FAM107A: variants seen among roughly 807,000 people sequenced by gnomAD.
FAM107A encodes family with sequence similarity 107 member A, also known as actin-associated protein FAM107A.
Under a neutral mutation model 13.7 loss-of-function variants are expected in FAM107A, and 19 were observed. The ratio of observed to expected loss-of-function variants is 1.38; its 90% CI spans 0.97 to 2.03. The LOEUF is 2.03. FAM107A is among the 30% of genes most tolerant of loss of function. FAM107A has a pLI of 0.00. For missense variants in FAM107A, 203 were observed against 184.4 expected, an observed-to-expected ratio of 1.10 and a Z score of -0.58; for synonymous variants, 82 against 74.5, an observed-to-expected ratio of 1.10 and a Z score of -0.52.
At chr3:58,595,999 A>G (rs2065704306) in intron 1 of FAM107A, among the ~76,000 whole-genome samples, 2 of 152,210 alleles carry the variant, frequency 1.3e-5, no homozygotes, top group Admixed American at 6.5e-5. Flanking sequence ...AATTTTGGTT[A>G]GTGAAAGTTA....
At chr3:58,566,908 C>G in intron 3 of FAM107A, 2 of 607,450 alleles carry the variant, frequency 3.3e-6, no homozygotes, top group Non-Finnish European at 5.8e-6. Flanking sequence ...CTCTGGGCCT[C>G]AGCTTCCCCA....
At chr3:58,625,981 G>A (rs1322678291) in intron 1 of FAM107A, among the ~76,000 whole-genome samples, 1 of 152,184 alleles carries the variant, frequency 6.6e-6, no homozygotes, top group East Asian at 1.9e-4. Flanking sequence ...GCACTTCACA[G>A]GCATCATCTT....
rs141014915 is a variant in FAM107A, at chr3:58,627,366, G to A, written c.-70+50C>T. 3.6e-3 allele frequency: 868 copies of A among 242,520 alleles called. 11 individuals are homozygous for A. The highest frequency in any genetic ancestry group is 0.018 in the African/African-American group (809 of 44,974). 15.0% of individuals were successfully genotyped at this position (242,520 alleles called of 1,614,324 possible). A position where few individuals can be genotyped will look rare whatever the true frequency, so the allele number is the denominator to read the frequency against. On this transcript the variant is annotated intron_variant, in intron 1 of 3. Transcript: ENST00000465970. ...CTCATCACACACCGGTAGCTCAGGC[G>A]CGGCGGGTGACCTCTGCCTGGCCCA...
chr3:58,616,210 T>C (rs565193215), intron 1 of FAM107A, among the ~76,000 whole-genome samples: 18 of 152,220 alleles, frequency 1.2e-4, no homozygotes, highest in Admixed American at 1.2e-3. Context: ...GGGAACGCAC[T>C]GCAGCTGGAC....
exon 1 of FAM107A, chr3:58,586,884 A>G: frequency 6.5e-7 from 1 of 1,533,264 alleles, no homozygotes; most frequent in Non-Finnish European, 8.7e-7. Flanking sequence ...AGCCCGGTAG[A>G]GCCCGGTGGC....
At chr3:58,598,884 T>A (rs189950955) in intron 1 of FAM107A, among the ~76,000 whole-genome samples, 26 of 149,954 alleles carry the variant, frequency 1.7e-4, no homozygotes, top group African/African-American at 5.1e-4. Flanking sequence ...TGCCCCATGG[T>A]TTTTTTTTTA....
chr3:58,599,877 T>C (rs4317123), intron 1 of FAM107A, among the ~76,000 whole-genome samples: 38,575 of 151,672 alleles, frequency 0.25, 5,475 homozygotes, highest in South Asian at 0.52. Flanking sequence ...GGTTTCACCA[T>C]GTTGGTCAGG....
At chr3:58,609,631 C>T (rs2065834021) in intron 1 of FAM107A, among the ~76,000 whole-genome samples, 1 of 152,220 alleles carries the variant, frequency 6.6e-6, no homozygotes, top group African/African-American at 2.4e-5. Context: ...AAGGTTTCCC[C>T]CAACATCTCC....
At chr3:58,584,307 C>T (rs2065580463) in intron 1 of FAM107A, among the ~76,000 whole-genome samples, 1 of 152,100 alleles carries the variant, frequency 6.6e-6, no homozygotes, top group African/African-American at 2.4e-5. Context: ...CATCCCTGCA[C>T]CTTGGAAAAC....
At chr3:58,586,932 G>A (rs896345163) in exon 1 of FAM107A, 2 of 1,529,688 alleles carry the variant, frequency 1.3e-6, no homozygotes, top group South Asian at 1.2e-5. Context: ...CAGCCTCTGC[G>A]CCATGCCCCC....
rs186869805 is a variant in FAM107A at position 58,610,748 on chromosome 3, A to G, written c.-70+16668T>C. Among the ~76,000 whole-genome samples the G allele has an allele frequency of 3.3e-5, 5 of 152,342 alleles. No individual in the cohort carries two copies. In the East Asian group the frequency reaches 9.6e-4, roughly 29 times the overall value. On this transcript the variant is annotated intron_variant, in intron 1 of 3. Coordinates refer to the FAM107A transcript ENST00000465970. ...CCTCTTCCACCTGAGTGGATGGGTG[A>G]AGCAGTGGCTGGTTGAAGCAGTGGC... is the stretch of plus-strand genomic sequence containing the variant.
At chr3:58,594,405 G>A (rs1338457009) in intron 1 of FAM107A, among the ~76,000 whole-genome samples, 3 of 151,968 alleles carry the variant, frequency 2.0e-5, no homozygotes, top group African/African-American at 7.3e-5. Context: ...CTACCCAGTT[G>A]CCCCATCAAT....
At chr3:58,616,702 C>T (rs576434760) in intron 1 of FAM107A, among the ~76,000 whole-genome samples, 1 of 152,238 alleles carries the variant, frequency 6.6e-6, no homozygotes, top group South Asian at 2.1e-4. Flanking sequence ...CTGAGGAGCA[C>T]TCCCTGCCGA....
chr3:58,592,422 C>A (rs1354308688), intron 1 of FAM107A, among the ~76,000 whole-genome samples: 1 of 152,140 alleles, frequency 6.6e-6, no homozygotes, highest in Non-Finnish European at 1.5e-5. Flanking sequence ...ACTCACATGC[C>A]CCGAGTCAGG....
At chr3:58,568,389 C>G (rs914857646) in intron 2 of FAM107A, among the ~76,000 whole-genome samples, 1 of 151,326 alleles carries the variant, frequency 6.6e-6, no homozygotes, top group African/African-American at 2.4e-5. Flanking sequence ...GAGCTGAGGT[C>G]GCGCCACTGC....
At chr3:58,618,243 G>A (rs938555134) in intron 1 of FAM107A, among the ~76,000 whole-genome samples, 1 of 152,212 alleles carries the variant, frequency 6.6e-6, no homozygotes, top group African/African-American at 2.4e-5. Flanking sequence ...ACACTAGCCT[G>A]CTTTTGCACA....
chr3:58,613,288 G>A lies in FAM107A; in HGVS notation c.-70+14128C>T, dbSNP rs185142452. ...GATCAAGGAGGTGGCCAAGGTTACA[G>A]AGCTAGTGAGATGGGGAGCAGGAGT... is the stretch of plus-strand genomic sequence containing the variant. On this transcript the variant is annotated intron_variant, in intron 1 of 3. Transcript: ENST00000465970. The surrounding 1 kb of genome is among the most constrained non-coding windows in gnomAD (Gnocchi z 4.6). 6.6e-6 allele frequency among the ~76,000 whole-genome samples: 1 copy of A among 152,332 alleles called. No individual in the cohort carries two copies. The highest frequency in any genetic ancestry group is 2.4e-5 in the African/African-American group (1 of 41,572).
intron 1 of FAM107A, chr3:58,586,791 A>G: frequency 6.9e-7 from 1 of 1,451,152 alleles, no homozygotes; most frequent in Non-Finnish European, 9.1e-7. Flanking sequence ...CCAGGGACTG[A>G]GCGCCGTGCA....
At chr3:58,577,948 G>A (rs574835541), upstream of FAM107A, among the ~76,000 whole-genome samples, 10 of 152,316 alleles carry the variant, frequency 6.6e-5, no homozygotes, top group South Asian at 2.1e-4. The surrounding 1 kb of genome is among the most constrained non-coding windows in gnomAD (Gnocchi z 4.9). Context: ...ACGGAAGAGC[G>A]TGGGAGAGGG....
Sources: allele counts gnomAD v4.1 joint callset (sites outside exome capture counted in the v4.1 genomes callset), GRCh38; gene constraint gnomAD v4.1.1; non-coding constraint Gnocchi (gnomAD v3.1); transcripts MANE v1.5; gene names NCBI Gene and HGNC (gene_info 2026-07-23, HGNC 2026-07-21).